SCN9A: variants seen among roughly 807,000 people sequenced by gnomAD.
SCN9A encodes sodium voltage-gated channel alpha subunit 9.
A neutral mutation model predicts 187.0 loss-of-function variants in SCN9A; 131 were observed. The observed-to-expected ratio is 0.70, with a 90% CI of 0.61 to 0.81. The LOEUF (loss-of-function observed/expected upper bound fraction) is 0.81, where lower values mean the gene tolerates loss of function less well. Among genes scored for constraint, SCN9A ranks in the 30% least tolerant of loss-of-function variants. The pLI, the probability that SCN9A is intolerant of heterozygous loss-of-function variation, is 0.00. For synonymous variants in SCN9A, 809 were observed against 808.6 expected (o/e 1.00, Z -0.01); for missense variants, 2,252 against 2,396.6 (o/e 0.94, Z 1.26).
intron 1 of SCN9A, among the ~76,000 whole-genome samples, chr2:166,346,535 T>C (rs904935525): frequency 7.0e-4 from 106 of 152,246 alleles, no homozygotes; most frequent in African/African-American, 2.5e-3. Flanking sequence ...GGGGCATTTC[T>C]CCTAATAAAT....
intron 13 of SCN9A, among the ~76,000 whole-genome samples, chr2:166,281,042 G>A (rs1697463595): frequency 6.6e-6 from 1 of 152,064 alleles, no homozygotes; most frequent in South Asian, 2.1e-4. Context: ...CTAGAACCAA[G>A]CAACTAGAAA....
rs375946140 is a variant in SCN9A at position 166,199,840 on chromosome 2, T to C, written c.4799A>G (p.Glu1600Gly). 13 of 1,613,756 alleles carry C rather than the reference T, an allele frequency of 8.1e-6. No individual in the cohort carries two copies. The highest frequency in any genetic ancestry group is 1.3e-5 in the African/African-American group (1 of 74,852). ...IVGMFLADLI[E>G]TYFVSPTLFR... is the part of the protein sequence containing the mutation. ...CAGGGTAGGGGACACAAAATACGTTTCAATCAAATCAGCTAGAAACATACC... is the reference window on the plus strand; with the variant it reads ...CAGGGTAGGGGACACAAAATACGTTCCAATCAAATCAGCTAGAAACATACC... The change falls in exon 27 of 27, where the codon GAA becomes GGA. Residue 1600 changes from glutamate to glycine, a missense_variant. By Grantham distance (98) the Glu-to-Gly change is moderately conservative (BLOSUM62 -2). Around this residue, in one of 7 missense-constraint regions of SCN9A, gnomAD observed 368 missense variants for 408.6 expected, o/e 0.90. Transcript: ENST00000642356.
intron 1 of SCN9A, among the ~76,000 whole-genome samples, chr2:166,350,883 G>C (rs1369203426): frequency 4.6e-5 from 7 of 152,148 alleles, no homozygotes; most frequent in Non-Finnish European, 5.9e-5. Context: ...TTATAACTAA[G>C]AGTAAGAAAC....
chr2:166,239,835 G>A (rs2106406340), intron 19 of SCN9A, among the ~76,000 whole-genome samples: 1 of 152,298 alleles, frequency 6.6e-6, no homozygotes, highest in South Asian at 2.1e-4. Context: ...ACCTCTCTCT[G>A]ACTGGTCCCA....
At chr2:166,347,580 A>G (rs981075138) in intron 1 of SCN9A, among the ~76,000 whole-genome samples, 2 of 152,328 alleles carry the variant, frequency 1.3e-5, no homozygotes, top group East Asian at 1.9e-4. Flanking sequence ...GTTCTGTGCT[A>G]TTTAGAATGC....
At chr2:166,366,310 GT>G (rs1305363657) in intron 1 of SCN9A, among the ~76,000 whole-genome samples, 1 of 152,068 alleles carries the variant, frequency 6.6e-6, no homozygotes, top group East Asian at 1.9e-4. Context: ...CACTTAGCAT[GT>G]CTCTTCTAGG....
At chr2:166,367,446 A>G (rs1372596540) in intron 1 of SCN9A, among the ~76,000 whole-genome samples, 1 of 151,864 alleles carries the variant, frequency 6.6e-6, no homozygotes, top group Non-Finnish European at 1.5e-5. Flanking sequence ...TATTTTTTTT[A>G]GTAGAGATGG....
In SCN9A at chr2:166,195,830, C is replaced by T. The variant is rs1693229593; in HGVS notation, c.*2842G>A. On this transcript the variant is annotated 3_prime_UTR_variant, in exon 27 of 27. Transcript: ENST00000642356. The stretch of plus-strand genomic sequence containing the variant: ...TTGGCAGGTCATGACAGTAGGAACA[C>T]TTGAAGCCAGGAGTTTGAGACTAGC... 6.6e-6 allele frequency: 1 copy of T among 152,228 alleles called. No homozygotes were observed. Among genetic ancestry groups the T allele is most frequent in the Non-Finnish European group, 1.5e-5 (1 of 68,092 alleles). The allele number at this position is 152,228 out of a possible 1,614,324, so 9.4% of individuals were successfully genotyped here. A position where few individuals can be genotyped will look rare whatever the true frequency, so the allele number is the denominator to read the frequency against.
At chr2:166,200,199 T>G (rs62176597) in intron 26 of SCN9A, among the ~76,000 whole-genome samples, 2 of 149,418 alleles carry the variant, frequency 1.3e-5, no homozygotes, top group Non-Finnish European at 3.0e-5. Flanking sequence ...GGGTTTCACC[T>G]TGTTAGCCAG....
intron 21 of SCN9A, among the ~76,000 whole-genome samples, chr2:166,229,773 A>AT (rs1695002610): frequency 6.6e-6 from 1 of 152,160 alleles, no homozygotes; most frequent in South Asian, 2.1e-4. Flanking sequence ...TTGTACTGCT[A>AT]TTGATCACCA....
intron 1 of SCN9A, among the ~76,000 whole-genome samples, chr2:166,358,148 C>T (rs921667070): frequency 2.0e-5 from 3 of 151,848 alleles, no homozygotes; most frequent in African/African-American, 7.3e-5. Flanking sequence ...CAGCTCACTG[C>T]AACATCTGCC....
intron 4 of SCN9A, 86 bp downstream of exon 4, chr2:166,306,424 A>G (rs1432023326): frequency 3.8e-6 from 3 of 795,316 alleles, no homozygotes; most frequent in Non-Finnish European, 6.5e-6. Flanking sequence ...CCCCATCTTC[A>G]TAAATGCAGT....
chr2:166,348,184 G>A (rs932456813), intron 1 of SCN9A, among the ~76,000 whole-genome samples: 5 of 150,782 alleles, frequency 3.3e-5, no homozygotes, highest in Non-Finnish European at 7.4e-5. Context: ...CATGTGTAAC[G>A]GTTTGTTGAT....
chr2:166,283,942 A>G (rs1697609900), intron 12 of SCN9A, among the ~76,000 whole-genome samples: 1 of 152,144 alleles, frequency 6.6e-6, no homozygotes, highest in Non-Finnish European at 1.5e-5. Context: ...CATTTGTAAA[A>G]CAGAGATAAT....
chr2:166,218,501 G>T (rs1020324179), intron 24 of SCN9A, among the ~76,000 whole-genome samples: 1 of 152,088 alleles, frequency 6.6e-6, no homozygotes, highest in Non-Finnish European at 1.5e-5. Context: ...GGGGGAAGAC[G>T]ATGTGGAGAA....
At chr2:166,216,770 T>C (rs1354548604) in intron 24 of SCN9A, among the ~76,000 whole-genome samples, 1 of 152,088 alleles carries the variant, frequency 6.6e-6, no homozygotes, top group East Asian at 1.9e-4. Flanking sequence ...TTCATGTTCA[T>C]GTGTTGGAAG....
intron 1 of SCN9A, among the ~76,000 whole-genome samples, chr2:166,354,277 A>T (rs557204387): frequency 5.9e-5 from 9 of 152,312 alleles, no homozygotes; most frequent in African/African-American, 2.2e-4. Flanking sequence ...CTGCTATTAC[A>T]ACCTGTTTCC....
chr2:166,293,184 T>C, intron 9 of SCN9A, 47 bp downstream of exon 9: 2 of 1,532,630 alleles, frequency 1.3e-6, no homozygotes, highest in Non-Finnish European at 1.8e-6. Context: ...ATACACCAGG[T>C]ACATATGCCA....
intron 1 of SCN9A, among the ~76,000 whole-genome samples, chr2:166,363,800 A>G (rs921634843): frequency 9.9e-5 from 15 of 152,118 alleles, no homozygotes; most frequent in African/African-American, 3.6e-4. Context: ...GCACATGGAC[A>G]TGGAACCAAA....
Sources: gnomAD v4.1 joint callset for allele counts (sites outside exome capture counted in the v4.1 genomes callset) on GRCh38, gnomAD v4.1.1 for gene constraint, gnomAD v4.1.1 regional missense constraint, MANE v1.5 for transcripts, NCBI Gene and HGNC (gene_info 2026-07-23, HGNC 2026-07-21) for gene names.